SMG6: variants seen among roughly 807,000 people sequenced by gnomAD.
The protein encoded by SMG6 is telomerase-binding protein EST1A.
In SMG6, 66 loss-of-function variants were observed where a neutral mutation model predicts 142.2. The observed-to-expected ratio is 0.46, with a 90% CI of 0.38 to 0.57. The LOEUF is 0.57. SMG6 is among the 20% of genes least tolerant of loss of function. The pLI, the probability that SMG6 is intolerant of heterozygous loss-of-function variation, is 0.00. For missense variants in SMG6, 1,793 were observed against 1,832.0 expected, an observed-to-expected ratio of 0.98 and a Z score of 0.39; for synonymous variants, 779 against 702.4, an observed-to-expected ratio of 1.11 and a Z score of -1.72.
intron 6 of SMG6, among the ~76,000 whole-genome samples, chr17:2,291,360 C>A (rs1348633428): frequency 1.3e-5 from 2 of 150,448 alleles, no homozygotes; most frequent in East Asian, 3.9e-4. Context: ...AATGTTCTGA[C>A]ACTAGATAAA....
At chr17:2,286,923 A>ATTTTTTTTTTTTTTTTTT (rs59503723) in intron 6 of SMG6, among the ~76,000 whole-genome samples, 1 of 111,442 alleles carries the variant, frequency 9.0e-6, no homozygotes. Context: ...ACATAAAATA[A>ATTTTTTTTTTTTTTTTTT]TTTTTTTTTT....
At chr17:2,289,577 A>G (rs2074985713) in intron 6 of SMG6, among the ~76,000 whole-genome samples, 1 of 152,020 alleles carries the variant, frequency 6.6e-6, no homozygotes, top group South Asian at 2.1e-4. Context: ...ATACACACAT[A>G]TATATGTGGG....
chr17:2,172,565 G>T, intron 13 of SMG6, 93 bp downstream of exon 13: 1 of 1,323,372 alleles, frequency 7.6e-7, no homozygotes, highest in Admixed American at 1.8e-5. Flanking sequence ...ACTTAATCAT[G>T]TTCCATTTGC....
intron 9 of SMG6, chr17:2,236,965 T>A: frequency 4.4e-6 from 2 of 455,048 alleles, no homozygotes; most frequent in Non-Finnish European, 6.0e-6. Flanking sequence ...AAAGTTTCTC[T>A]CTGAAACCAT....
At chr17:2,104,717 A>C (rs2069107528) in intron 13 of SMG6, among the ~76,000 whole-genome samples, 1 of 152,146 alleles carries the variant, frequency 6.6e-6, no homozygotes, top group South Asian at 2.1e-4. Flanking sequence ...ATGTTATTTC[A>C]TTTGATTATC....
intron 10 of SMG6, among the ~76,000 whole-genome samples, chr17:2,204,408 C>T (rs1168565742): frequency 1.3e-5 from 2 of 152,200 alleles, no homozygotes; most frequent in Non-Finnish European, 2.9e-5. Flanking sequence ...GCTCCAGAAA[C>T]TCATCCCAAA....
intron 13 of SMG6, chr17:2,101,512 A>C (rs2069005946): frequency 6.6e-6 from 1 of 152,350 alleles, no homozygotes; most frequent in South Asian, 2.1e-4. Context: ...AAATAAATTC[A>C]ATGACATTCT....
intron 10 of SMG6, among the ~76,000 whole-genome samples, chr17:2,201,677 C>CA (rs58219330): frequency 0.39 from 49,709 of 127,446 alleles, 8,746 homozygotes; most frequent in Middle Eastern, 0.46. Context: ...AGACTTGATT[C>CA]AAAAAAAAAA....
intron 13 of SMG6, among the ~76,000 whole-genome samples, chr17:2,098,320 G>T (rs2068913097): frequency 6.6e-6 from 1 of 152,034 alleles, no homozygotes; most frequent in African/African-American, 2.4e-5. Flanking sequence ...TCCCCAAATT[G>T]TTTTCACATA....
At chr17:2,141,040 G>C (rs1353061931) in intron 13 of SMG6, among the ~76,000 whole-genome samples, 1 of 152,186 alleles carries the variant, frequency 6.6e-6, no homozygotes, top group Non-Finnish European at 1.5e-5. Context: ...GAATGATCTA[G>C]AATTGCAGTG....
At chr17:2,154,079 G>A (rs534325509) in intron 13 of SMG6, among the ~76,000 whole-genome samples, 5 of 122,196 alleles carry the variant, frequency 4.1e-5, no homozygotes, top group East Asian at 2.8e-4. Flanking sequence ...GTGACTGGGG[G>A]AACCTGGGGA....
chr17:2,061,985 G>A (rs11869171), intron 18 of SMG6: 6,335 of 173,376 alleles, frequency 0.037, 174 homozygotes, highest in African/African-American at 0.078. Context: ...TCACAACACC[G>A]CTCTCCCCAC....
chr17:2,283,164 C>G (rs1165028114), intron 7 of SMG6, among the ~76,000 whole-genome samples: 2 of 152,192 alleles, frequency 1.3e-5, no homozygotes, highest in Middle Eastern at 3.2e-3. Context: ...GAGCGAAACT[C>G]TGTCTCAAAA....
intron 14 of SMG6, among the ~76,000 whole-genome samples, chr17:2,083,191 G>A (rs1339304074): frequency 6.6e-6 from 1 of 152,114 alleles, no homozygotes; most frequent in Non-Finnish European, 1.5e-5. Context: ...GCATCGTGAG[G>A]CCTGCTGCAG....
intron 2 of SMG6, 74 bp downstream of exon 2, chr17:2,298,832 T>C: frequency 4.9e-6 from 7 of 1,435,878 alleles, no homozygotes; most frequent in Non-Finnish European, 4.7e-6. Flanking sequence ...AGTTTCTACC[T>C]TCCTCAGCCA....
intron 8 of SMG6, among the ~76,000 whole-genome samples, chr17:2,271,107 T>C (rs2074533916): frequency 6.8e-6 from 1 of 147,928 alleles, no homozygotes; most frequent in Admixed American, 6.8e-5. Flanking sequence ...GTTCTTCTGT[T>C]TTTTTCTGGT....
chr17:2,202,383 T>C (rs1437827294), intron 10 of SMG6, among the ~76,000 whole-genome samples: 1 of 151,996 alleles, frequency 6.6e-6, no homozygotes, highest in Admixed American at 6.6e-5. Flanking sequence ...ACCCTACCTC[T>C]AGCAGAAAAA....
At chr17:2,217,579 C>CCCTTTTTTTT (rs1177069059) in intron 10 of SMG6, among the ~76,000 whole-genome samples, 1 of 152,118 alleles carries the variant, frequency 6.6e-6, no homozygotes, top group South Asian at 2.1e-4. Flanking sequence ...TCTCTCTGAA[C>CCCTTTTTTTT]TCTTTAAAGC....
rs1381110704 is a variant in SMG6 at position 2,300,345 on chromosome 17, T to C, written c.408A>G (p.Lys136=). ...TCTGCAGGTCGGGTTTCTTTGTTCT[T>C]TTGATAATTTTTAGACTACGATCCT... The part of the protein sequence containing the change: ...GQEDRSLKII[K]RTKKPDLQIY... Residue 136 remains lysine (K), a synonymous_variant, in exon 2 of 19, where the codon AAA becomes AAG. Coordinates refer to ENST00000263073, the MANE Select transcript of SMG6 (RefSeq NM_017575.5). 6.2e-7 allele frequency: 1 copy of C among 1,613,900 alleles called. No homozygotes were observed.
Sources: gnomAD v4.1 joint callset for allele counts (sites outside exome capture counted in the v4.1 genomes callset) on GRCh38, gnomAD v4.1.1 for gene constraint, MANE v1.5 for transcripts, NCBI Gene and HGNC (gene_info 2026-07-23, HGNC 2026-07-21) for gene names.